MINDY4B: variants seen among roughly 807,000 people sequenced by gnomAD.
The protein encoded by MINDY4B is MINDY family member 4B, also known as inactive ubiquitin carboxyl-terminal hydrolase MINDY-4B.
Under a neutral mutation model 16.7 loss-of-function variants are expected in MINDY4B, and 25 were observed. That is an observed-to-expected ratio of 1.49 (90% CI 1.09 to 2.09). MINDY4B has a LOEUF of 2.09. MINDY4B is among the 30% of genes most tolerant of loss of function. The probability of loss-of-function intolerance (pLI) is 0.00; values close to 1 mark genes in which losing one functional copy is unlikely to be tolerated. For missense variants in MINDY4B, 327 were observed against 168.4 expected, an observed-to-expected ratio of 1.94 and a Z score of -5.21; for synonymous variants, 132 against 61.9, an observed-to-expected ratio of 2.13 and a Z score of -5.32.
rs74845534 is a variant in MINDY4B at position 150,905,403 on chromosome 3, C to A, written c.37G>T (p.Glu13Ter). Residue 13 changes from glutamate to a stop codon, truncating the protein, a stop_gained, in exon 1 of 12, where the codon GAA becomes TAA. Transcript: ENST00000465419. LOFTEE classifies it high-confidence loss of function. ...GAGATCTCCTCTAAATCCAGCTGTT[C>A]GGAGCTTTGTTCCTGGCCCAAGACC... is the stretch of plus-strand genomic sequence containing the variant. ...MEVLGQEQSS[E>*]QLDLEEISRK... 2 of 398,322 alleles carry A rather than the reference C, an allele frequency of 5.0e-6. No homozygotes were observed. Among genetic ancestry groups the A allele is most frequent in the Non-Finnish European group, 8.8e-6 (2 of 226,004 alleles). The allele number at this position is 398,322 out of a possible 1,614,324, so 24.7% of individuals were successfully genotyped here.
At chr3:150,879,657 A>G (rs1711504763) in intron 10 of MINDY4B, among the ~76,000 whole-genome samples, 1 of 152,324 alleles carries the variant, frequency 6.6e-6, no homozygotes, top group Non-Finnish European at 1.5e-5. Flanking sequence ...AACAATTTCA[A>G]GACAGTGATA....
chr3:150,888,864 G>A (rs529184831), intron 7 of MINDY4B, among the ~76,000 whole-genome samples: 2 of 152,276 alleles, frequency 1.3e-5, no homozygotes, highest in Non-Finnish European at 2.9e-5. Flanking sequence ...TTGCAGATAT[G>A]GGTGGGTGGA....
At chr3:150,893,513 C>G in intron 4 of MINDY4B, 98 bp from the exon 5 acceptor site, 1 of 690,762 alleles carries the variant, frequency 1.4e-6, no homozygotes, top group Admixed American at 2.0e-5. Context: ...TCCCCCAGAG[C>G]TTTGTGAAGG....
chr3:150,896,302 A>G (rs896839554), intron 3 of MINDY4B, among the ~76,000 whole-genome samples: 18 of 151,754 alleles, frequency 1.2e-4, no homozygotes, highest in South Asian at 2.1e-4. Context: ...ATTTCCTTAC[A>G]TTGGGCTTCA....
intron 9 of MINDY4B, among the ~76,000 whole-genome samples, chr3:150,883,374 C>T (rs970038066): frequency 3.3e-5 from 5 of 151,840 alleles, no homozygotes; most frequent in South Asian, 2.1e-4. Context: ...TGTTTTTTAG[C>T]ACTTTTTTTC....
At chr3:150,889,572 A>C (rs1371655704) in intron 7 of MINDY4B, among the ~76,000 whole-genome samples, 2 of 151,862 alleles carry the variant, frequency 1.3e-5, no homozygotes, top group Non-Finnish European at 2.9e-5. Context: ...GGACTTCTTT[A>C]GGGGGACTAG....
At chr3:150,892,098 C>T (rs1711830890) in intron 5 of MINDY4B, among the ~76,000 whole-genome samples, 1 of 152,214 alleles carries the variant, frequency 6.6e-6, no homozygotes, top group Non-Finnish European at 1.5e-5. Flanking sequence ...CATTTTTCTA[C>T]TTTCTCTGAA....
At chr3:150,878,773 T>C (rs889326943) in intron 10 of MINDY4B, among the ~76,000 whole-genome samples, 1 of 152,248 alleles carries the variant, frequency 6.6e-6, no homozygotes, top group East Asian at 1.9e-4. Flanking sequence ...TCTTATTTTT[T>C]TACCTTGTGC....
At chr3:150,879,089 C>G (rs1459590162) in intron 10 of MINDY4B, among the ~76,000 whole-genome samples, 1 of 152,174 alleles carries the variant, frequency 6.6e-6, no homozygotes, top group Non-Finnish European at 1.5e-5. Context: ...GTTTCCAAAG[C>G]CTTGCAACTG....
chr3:150,895,772 A>G (rs1389912357), intron 3 of MINDY4B, among the ~76,000 whole-genome samples: 1 of 152,124 alleles, frequency 6.6e-6, no homozygotes, highest in Non-Finnish European at 1.5e-5. Flanking sequence ...GCCTTGTCTC[A>G]CAGCTCTTAA....
At chr3:150,892,792 A>AAG (rs998585334) in intron 5 of MINDY4B, among the ~76,000 whole-genome samples, 1 of 151,342 alleles carries the variant, frequency 6.6e-6, no homozygotes, top group Non-Finnish European at 1.5e-5. Flanking sequence ...TAAAAAAAAA[A>AAG]AAAAATACAA....
chr3:150,870,924 A>G lies in MINDY4B; in HGVS notation c.*121T>C. 1.7e-6 allele frequency: 1 copy of G among 605,472 alleles called. No individual in the cohort carries two copies. The highest frequency in any genetic ancestry group is 2.9e-6 in the Non-Finnish European group (1 of 341,908). The allele number at this position is 605,472 out of a possible 1,614,324, so 37.5% of individuals were successfully genotyped here. On this transcript the variant is annotated 3_prime_UTR_variant, in exon 12 of 12. Transcript: ENST00000465419. ...TGAAAAAACTGCTAATGGTATATAT[A>G]TATATTTTTTGGTGGGGCTTGTGAA...
chr3:150,883,431 T>C (rs1711556745), intron 9 of MINDY4B, among the ~76,000 whole-genome samples: 1 of 152,114 alleles, frequency 6.6e-6, no homozygotes, highest in African/African-American at 2.4e-5. Flanking sequence ...TTTTCTACTG[T>C]TGCTAGGATC....
intron 6 of MINDY4B, 171 bp downstream of exon 6, chr3:150,890,767 T>C (rs1711778973): frequency 1.1e-5 from 6 of 547,458 alleles, no homozygotes; most frequent in Admixed American, 3.1e-5. Flanking sequence ...CAGGACTCTT[T>C]GTTGTGTCTG....
chr3:150,896,140 C>T (rs1711954269), intron 3 of MINDY4B, among the ~76,000 whole-genome samples: 1 of 152,076 alleles, frequency 6.6e-6, no homozygotes, highest in South Asian at 2.1e-4. Context: ...AAATTTCCTT[C>T]TTCTACTTGT....
At chr3:150,871,431 A>G (rs1576608101) in intron 11 of MINDY4B, among the ~76,000 whole-genome samples, 1 of 152,168 alleles carries the variant, frequency 6.6e-6, no homozygotes, top group East Asian at 1.9e-4. Flanking sequence ...AACGCCCCAT[A>G]CAGAATGAGT....
At chr3:150,888,639 T>C (rs1173390116) in intron 7 of MINDY4B, among the ~76,000 whole-genome samples, 1 of 152,138 alleles carries the variant, frequency 6.6e-6, no homozygotes, top group East Asian at 1.9e-4. Context: ...ATATACACCA[T>C]CAAGCTCCCC....
chr3:150,877,082 G>A (rs1711497747), intron 10 of MINDY4B, among the ~76,000 whole-genome samples: 1 of 151,956 alleles, frequency 6.6e-6, no homozygotes, highest in Non-Finnish European at 1.5e-5. Flanking sequence ...ACTGGGCTGT[G>A]ACATTGGGAC....
At chr3:150,904,795 G>A (rs536361202) in intron 2 of MINDY4B, among the ~76,000 whole-genome samples, 3 of 152,152 alleles carry the variant, frequency 2.0e-5, no homozygotes, top group East Asian at 1.9e-4. Flanking sequence ...GGGAACTTTC[G>A]ATTTTAATAT....
Sources: allele counts gnomAD v4.1 joint callset (sites outside exome capture counted in the v4.1 genomes callset), GRCh38; gene constraint gnomAD v4.1.1; transcripts MANE v1.5; gene names NCBI Gene and HGNC (gene_info 2026-07-23, HGNC 2026-07-21).